Variants in CMSS1 observed in about 807,000 individuals in gnomAD.
The protein encoded by CMSS1 is cms1 ribosomal small subunit homolog.
In CMSS1, 33 loss-of-function variants were observed where a neutral mutation model predicts 43.5. That is an observed-to-expected ratio of 0.76 (90% CI 0.57 to 1.01). The LOEUF is 1.01. Ranked by LOEUF, CMSS1 falls within the 50% of genes least tolerant of loss-of-function variation. The probability of loss-of-function intolerance (pLI) is 0.00; values close to 1 mark genes in which losing one functional copy is unlikely to be tolerated. For synonymous variants in CMSS1, 115 were observed against 117.2 expected (o/e 0.98, Z 0.12); for missense variants, 313 against 326.4 (o/e 0.96, Z 0.32).
intron 1 of CMSS1, among the ~76,000 whole-genome samples, chr3:99,988,535 GA>G (rs1439495708): frequency 5.1e-5 from 7 of 136,772 alleles, no homozygotes; most frequent in Admixed American, 2.2e-4. Flanking sequence ...AAAAAAGAAA[GA>G]AAAGGAAAAA....
At chr3:100,112,766 T>G (rs1164706317) in intron 1 of CMSS1, among the ~76,000 whole-genome samples, 2 of 152,218 alleles carry the variant, frequency 1.3e-5, no homozygotes. Context: ...AGCCCATGAA[T>G]ATTATTGCTG....
At chr3:99,826,631 C>T (rs993531486) in intron 1 of CMSS1, among the ~76,000 whole-genome samples, 2 of 152,208 alleles carry the variant, frequency 1.3e-5, no homozygotes, top group African/African-American at 4.8e-5. Flanking sequence ...AATTGTATGT[C>T]ACGTGTCTTC....
chr3:99,887,764 T>C (rs1010586616), intron 1 of CMSS1, among the ~76,000 whole-genome samples: 2 of 152,210 alleles, frequency 1.3e-5, no homozygotes, highest in African/African-American at 4.8e-5. Flanking sequence ...AGATAGGGCC[T>C]CATTCTGTCA....
chr3:99,943,838 G>A (rs780933481), intron 1 of CMSS1, among the ~76,000 whole-genome samples: 3 of 152,206 alleles, frequency 2.0e-5, no homozygotes, highest in East Asian at 1.9e-4. Flanking sequence ...CGGCCTGGCC[G>A]AGTTATAATC....
chr3:99,872,371 T>C (rs959103635), intron 1 of CMSS1, among the ~76,000 whole-genome samples: 1 of 150,438 alleles, frequency 6.6e-6, no homozygotes, highest in Non-Finnish European at 1.5e-5. Flanking sequence ...AAGTACCTTA[T>C]CAAGGTACTT....
intron 1 of CMSS1, among the ~76,000 whole-genome samples, chr3:99,940,888 C>A (rs1257642891): frequency 6.6e-6 from 1 of 152,214 alleles, no homozygotes; most frequent in Non-Finnish European, 1.5e-5. Context: ...CCCTTTCTTT[C>A]ATCTAAGGAA....
chr3:100,170,259 T>A (rs1197936018), intron 6 of CMSS1, among the ~76,000 whole-genome samples: 1 of 152,192 alleles, frequency 6.6e-6, no homozygotes. Flanking sequence ...TTTCTCAAAA[T>A]ATAATAATGA....
chr3:99,965,981 C>G, intron 1 of CMSS1, among the ~76,000 whole-genome samples: 1 of 152,166 alleles, frequency 6.6e-6, no homozygotes, highest in Non-Finnish European at 1.5e-5. Context: ...CCCTAGTAAA[C>G]CCCATGTCTC....
intron 1 of CMSS1, among the ~76,000 whole-genome samples, chr3:99,880,160 GT>G (rs1194451324): frequency 1.3e-5 from 2 of 152,166 alleles, no homozygotes; most frequent in African/African-American, 4.8e-5. Flanking sequence ...CAAAGGGGAT[GT>G]CTGTGGTAAA....
intron 1 of CMSS1, among the ~76,000 whole-genome samples, chr3:99,863,340 C>A (rs112020341): frequency 6.6e-6 from 1 of 152,128 alleles, no homozygotes; most frequent in Admixed American, 6.6e-5. Context: ...CTATGTGACC[C>A]GGTAATAGGC....
In CMSS1 at chr3:99,966,548, A is replaced by T. The variant is rs556746514; in HGVS notation, c.64+148505A>T. Among the ~76,000 whole-genome samples the T allele has an allele frequency of 1.3e-3, 198 of 152,328 alleles. 1 individual carries two copies. Among genetic ancestry groups the T allele is most frequent in the Non-Finnish European group, 2.2e-3 (151 of 68,020 alleles). On this transcript the variant is annotated intron_variant, in intron 1 of 9. Transcript: ENST00000421999. ...AGACTGAGTTCACTCATCACTAACA[A>T]TTAACTTTATAAACATTCAACAAGT...
chr3:100,060,004 G>T (rs911881651), intron 1 of CMSS1, among the ~76,000 whole-genome samples: 1 of 151,530 alleles, frequency 6.6e-6, no homozygotes, highest in South Asian at 2.1e-4. Context: ...ATGACTAGGG[G>T]TGGCACAGGC....
chr3:99,860,958 C>A (rs538658964), intron 1 of CMSS1, among the ~76,000 whole-genome samples: 1 of 151,934 alleles, frequency 6.6e-6, no homozygotes. Flanking sequence ...TTCTTTATGC[C>A]GTTTACTCAG....
chr3:100,129,071 C>T (rs1017554650), intron 1 of CMSS1, among the ~76,000 whole-genome samples: 2 of 151,964 alleles, frequency 1.3e-5, no homozygotes, highest in South Asian at 2.1e-4. Flanking sequence ...CTCCCAGGTG[C>T]TTCCCTTTAT....
intron 1 of CMSS1, among the ~76,000 whole-genome samples, chr3:99,980,696 G>A (rs560956362): frequency 6.6e-6 from 1 of 152,174 alleles, no homozygotes; most frequent in Non-Finnish European, 1.5e-5. Flanking sequence ...ATGGGACAGC[G>A]TATTGGCAGA....
At chr3:100,076,579 G>A (rs1354245903) in intron 1 of CMSS1, among the ~76,000 whole-genome samples, 2 of 152,194 alleles carry the variant, frequency 1.3e-5, no homozygotes, top group Admixed American at 6.5e-5. Flanking sequence ...CCCACTGAAT[G>A]TCAGTCTTCT....
intron 1 of CMSS1, among the ~76,000 whole-genome samples, chr3:100,059,531 CAA>C (rs1233576859): frequency 6.6e-6 from 1 of 152,070 alleles, no homozygotes; most frequent in Non-Finnish European, 1.5e-5. Flanking sequence ...GAGATGAAGA[CAA>C]AGTTTCTATC....
chr3:99,872,170 C>G (rs1944822346), intron 1 of CMSS1, among the ~76,000 whole-genome samples: 1 of 152,068 alleles, frequency 6.6e-6, no homozygotes, highest in Admixed American at 6.5e-5. Context: ...GCAAGTCACA[C>G]TGTGGACATC....
intron 1 of CMSS1, 57 bp downstream of exon 1, chr3:99,818,100 C>T (rs1942358692): frequency 6.5e-7 from 1 of 1,537,164 alleles, no homozygotes; most frequent in South Asian, 1.1e-5. Context: ...TTCCGTGCGC[C>T]TCAGCCCTGG....
Sources: gnomAD v4.1 joint callset for allele counts (sites outside exome capture counted in the v4.1 genomes callset) on GRCh38, gnomAD v4.1.1 for gene constraint, MANE v1.5 for transcripts, NCBI Gene and HGNC (gene_info 2026-07-23, HGNC 2026-07-21) for gene names.